The following NR2C2 variants were observed in gnomAD, a reference collection of about 807,000 sequenced individuals.
NR2C2 encodes Nuclear hormone receptor TR4.
Under a neutral mutation model 62.9 loss-of-function variants are expected in NR2C2, and 6 were observed. That is an observed-to-expected ratio of 0.10 (90% confidence interval 0.05 to 0.19). The LOEUF (loss-of-function observed/expected upper bound fraction) is 0.19. Ranked by LOEUF, NR2C2 falls within the 10% of genes least tolerant of loss-of-function variation. The pLI, the probability that NR2C2 is intolerant of heterozygous loss-of-function variation, is 1.00. For synonymous variants in NR2C2, 272 were observed against 273.8 expected, an observed-to-expected ratio of 0.99 and a Z score of 0.07; for missense variants, 479 against 762.7, an observed-to-expected ratio of 0.63 and a Z score of 4.38.
chr3:15,040,513 C>T (rs2042228541), intron 13 of NR2C2, among the ~76,000 whole-genome samples: 1 of 152,240 alleles, frequency 6.6e-6, no homozygotes, highest in Admixed American at 6.5e-5. Context: ...GGGGCTACCC[C>T]TTCTGGCCCA....
At chr3:14,950,645 T>C (rs866923695) in intron 1 of NR2C2, among the ~76,000 whole-genome samples, 1 of 152,176 alleles carries the variant, frequency 6.6e-6, no homozygotes, top group African/African-American at 2.4e-5. Context: ...TTATAATCTT[T>C]ATCTCACTTT....
rs2039939815 is a variant in NR2C2 at position 14,968,705 on chromosome 3, A to G, written c.-40+20799A>G. ...GCACACGTATGTTTATTGCGGCATT[A>G]TTCACAATAGCAAAGACTTGGACCC... On this transcript the variant is annotated intron_variant, in intron 1 of 13. Transcript: ENST00000425241. Among the ~76,000 whole-genome samples the G allele has an allele frequency of 3.5e-5, 5 of 144,362 alleles. No homozygotes were observed. The South Asian group carries it at 8.7e-4, about 25-fold the overall frequency. 94.7% of individuals were successfully genotyped at this position (144,362 alleles called of 152,430 possible). A position where few individuals can be genotyped will look rare whatever the true frequency, so the allele number is the denominator to read the frequency against.
At chr3:15,004,472 C>T (rs1267068626) in intron 2 of NR2C2, 1 of 1,317,162 alleles carries the variant, frequency 7.6e-7, no homozygotes, top group African/African-American at 1.5e-5. Context: ...TAATAATGTT[C>T]AATATTTACT....
chr3:14,983,511 CATTTT>C (rs1380737258), intron 1 of NR2C2, among the ~76,000 whole-genome samples: 3 of 150,792 alleles, frequency 2.0e-5, no homozygotes, highest in African/African-American at 2.4e-5. Context: ...AGTTTGCTAA[CATTTT>C]GTTTAGGGAT....
chr3:14,998,208 A>G (rs981536241), intron 1 of NR2C2, among the ~76,000 whole-genome samples: 1 of 152,192 alleles, frequency 6.6e-6, no homozygotes, highest in Non-Finnish European at 1.5e-5. Flanking sequence ...TTTGCCTGTT[A>G]TCACTAATGC....
chr3:14,975,132 A>G (rs1245594156), intron 1 of NR2C2, among the ~76,000 whole-genome samples: 1 of 152,128 alleles, frequency 6.6e-6, no homozygotes, highest in Non-Finnish European at 1.5e-5. Flanking sequence ...TTTTTTGGTC[A>G]TCTTTAGAGT....
intron 13 of NR2C2, among the ~76,000 whole-genome samples, chr3:15,040,808 A>C (rs1483288481): frequency 6.6e-6 from 1 of 152,236 alleles, no homozygotes; most frequent in East Asian, 1.9e-4. Context: ...CTGTCAGGGA[A>C]TGCATCCACA....
At chr3:15,008,524 GAA>G (rs11356699) in intron 2 of NR2C2, among the ~76,000 whole-genome samples, 17 of 141,592 alleles carry the variant, frequency 1.2e-4, no homozygotes, top group African/African-American at 3.6e-4. Context: ...CTGGTCTCAA[GAA>G]AAAAAAAAAA....
chr3:14,989,373 C>T (rs1049198614), intron 1 of NR2C2, among the ~76,000 whole-genome samples: 4 of 152,094 alleles, frequency 2.6e-5, no homozygotes, highest in Admixed American at 1.3e-4. Flanking sequence ...GTGCCCGGTG[C>T]GTGTTGGGTG....
At position 15,028,580 on chromosome 3, in the gene NR2C2, T is replaced by G. The variant is rs1200269291; in HGVS notation, c.799-6T>G. 6.2e-7 allele frequency: 1 copy of G among 1,609,950 alleles called. No homozygotes were observed. The highest frequency in any genetic ancestry group is 2.2e-5 in the East Asian group (1 of 44,778). On this transcript the variant is annotated splice_polypyrimidine_tract_variant and splice_region_variant and intron_variant, in intron 7 of 13. Coordinates refer to ENST00000425241, the MANE Select transcript of NR2C2 (RefSeq NM_001291694.2). ...ATTTTTAATGTCAGTATTTTTTGTT[T>G]AATAGGCTGAAACAAGCCAGGGAGC... is the stretch of plus-strand genomic sequence containing the variant.
intron 9 of NR2C2, among the ~76,000 whole-genome samples, chr3:15,032,017 C>T (rs557880395): frequency 2.0e-5 from 3 of 152,314 alleles, no homozygotes; most frequent in South Asian, 4.2e-4. Context: ...GCATGAGCCA[C>T]CCGCACCTGG....
intron 1 of NR2C2, among the ~76,000 whole-genome samples, chr3:14,981,076 T>C (rs984510405): frequency 6.6e-6 from 1 of 152,256 alleles, no homozygotes; most frequent in Non-Finnish European, 1.5e-5. Flanking sequence ...GTTGCAGAAC[T>C]AACTTTGCAA....
intron 1 of NR2C2, among the ~76,000 whole-genome samples, chr3:14,989,630 CTAAAT>C (rs1278123840): frequency 1.3e-5 from 2 of 151,884 alleles, no homozygotes; most frequent in African/African-American, 2.4e-5. Flanking sequence ...TCTACAAAAA[CTAAAT>C]TAAAGAAAAA....
intron 1 of NR2C2, among the ~76,000 whole-genome samples, chr3:14,960,835 A>G (rs2039669422): frequency 6.6e-6 from 1 of 152,200 alleles, no homozygotes; most frequent in Admixed American, 6.5e-5. Context: ...TTTACATGCA[A>G]TACTTGTATT....
rs1232916318 is a variant in NR2C2, at chr3:15,028,660, G to A, written c.873G>A (p.Leu291=). 2 of 1,614,114 alleles carry A rather than the reference G, an allele frequency of 1.2e-6. No individual in the cohort carries two copies. Residue 291 remains leucine (L), a synonymous_variant, in exon 8 of 14, where the codon TTG becomes TTA. Coordinates refer to ENST00000425241, the MANE Select transcript of NR2C2 (RefSeq NM_001291694.2). ...VTSLANLSES[L]NNGDTSEIQP... The stretch of plus-strand genomic sequence containing the variant: ...CCCTTGCCAACCTAAGTGAATCTTT[G>A]AACAACGGTGACACTTCAGAAATCC...
At chr3:14,998,463 T>C (rs2040893791) in intron 1 of NR2C2, among the ~76,000 whole-genome samples, 1 of 152,220 alleles carries the variant, frequency 6.6e-6, no homozygotes, top group Admixed American at 6.5e-5. Context: ...GCCATCCTAG[T>C]GGATATGAAG....
intron 8 of NR2C2, 151 bp downstream of exon 8, chr3:15,028,870 A>AT: frequency 1.2e-6 from 1 of 838,964 alleles, no homozygotes; most frequent in Middle Eastern, 3.5e-4. Flanking sequence ...CTTCTTTGAA[A>AT]TTTTAACTGT....
intron 1 of NR2C2, among the ~76,000 whole-genome samples, chr3:15,001,799 TG>T (rs2041011932): frequency 6.6e-6 from 1 of 152,090 alleles, no homozygotes; most frequent in African/African-American, 2.4e-5. Flanking sequence ...TTGATTTTTT[TG>T]TAGAGATGGG....
At chr3:14,951,940 GT>G (rs1438449295) in intron 1 of NR2C2, among the ~76,000 whole-genome samples, 3 of 152,210 alleles carry the variant, frequency 2.0e-5, no homozygotes, top group Non-Finnish European at 4.4e-5. Flanking sequence ...TAGAGACGGT[GT>G]TTCACCATGT....
Sources: allele counts gnomAD v4.1 joint callset (sites outside exome capture counted in the v4.1 genomes callset), GRCh38; gene constraint gnomAD v4.1.1; transcripts MANE v1.5; gene names NCBI Gene and HGNC (gene_info 2026-07-23, HGNC 2026-07-21).